Variants in NCALD observed in about 807,000 individuals in gnomAD.
NCALD encodes neurocalcin-delta.
In NCALD, 10 loss-of-function variants were observed where a neutral mutation model predicts 18.6. The ratio of observed to expected loss-of-function variants is 0.54; its 90% CI spans 0.33 to 0.91. The LOEUF (loss-of-function observed/expected upper bound fraction) is 0.91, where lower values mean the gene tolerates loss of function less well. Among genes scored for constraint, NCALD ranks in the 40% least tolerant of loss-of-function variants. NCALD has a pLI of 0.03. For synonymous variants in NCALD, 88 were observed against 87.4 expected (o/e 1.01, Z -0.04); for missense variants, 184 against 247.6 (o/e 0.74, Z 1.72).
intron 4 of NCALD, among the ~76,000 whole-genome samples, chr8:101,798,054 T>G (rs189394069): frequency 3.3e-5 from 5 of 152,304 alleles, no homozygotes; most frequent in Admixed American, 2.0e-4. Flanking sequence ...CGGCTAATTT[T>G]ATACTTAATA....
chr8:102,118,180 G>A (rs2132477788), intron 1 of NCALD, among the ~76,000 whole-genome samples: 1 of 152,322 alleles, frequency 6.6e-6, no homozygotes, highest in Admixed American at 6.5e-5. Context: ...AGAGTGGCTG[G>A]GGCCTTTATC....
At chr8:101,757,485 C>T (rs1810935768) in intron 1 of NCALD, among the ~76,000 whole-genome samples, 1 of 152,080 alleles carries the variant, frequency 6.6e-6, no homozygotes, top group Non-Finnish European at 1.5e-5. Flanking sequence ...TGTGACTTTC[C>T]CCAATGAATA....
At chr8:101,897,862 A>C (rs1817264115) in intron 3 of NCALD, among the ~76,000 whole-genome samples, 1 of 152,134 alleles carries the variant, frequency 6.6e-6, no homozygotes. Flanking sequence ...CCCAAATCTC[A>C]TCTTGAATTG....
intron 1 of NCALD, among the ~76,000 whole-genome samples, chr8:101,737,863 T>C (rs935384998): frequency 9.8e-5 from 15 of 152,354 alleles, no homozygotes; most frequent in African/African-American, 2.9e-4. Context: ...CTCCATTCTA[T>C]TGCATCTATT....
intron 2 of NCALD, among the ~76,000 whole-genome samples, chr8:101,974,580 T>G (rs1467723548): frequency 6.6e-6 from 1 of 152,228 alleles, no homozygotes; most frequent in Non-Finnish European, 1.5e-5. Context: ...ACTTGGATCC[T>G]GCCTGCTGAA....
intron 1 of NCALD, among the ~76,000 whole-genome samples, chr8:102,117,115 C>T (rs1352919192): frequency 1.3e-5 from 2 of 152,294 alleles, no homozygotes; most frequent in East Asian, 1.9e-4. Context: ...CACGGCATTT[C>T]GGCCTCAGAC....
chr8:101,876,058 C>T (rs1816214562), intron 4 of NCALD, among the ~76,000 whole-genome samples: 1 of 152,300 alleles, frequency 6.6e-6, no homozygotes, highest in Admixed American at 6.5e-5. Context: ...TGCTCTTCCC[C>T]AGGCAGAAGT....
rs11384234 is a variant in NCALD, at chr8:101,925,064, G to GA, written c.-156-9207dup. On this transcript the variant is annotated intron_variant, in intron 2 of 6. Coordinates refer to the NCALD transcript ENST00000311028. ...AATTCAGAAAGCATGTATGACAAAA[G>GA]AAAAAAAAATAACACAAAGAAACCA... Among the ~76,000 whole-genome samples the GA allele has an allele frequency of 7.7e-3, 1,155 of 150,530 alleles. 12 individuals are homozygous for GA. Among genetic ancestry groups the GA allele is most frequent in the African/African-American group, 0.026 (1,062 of 41,072 alleles).
At chr8:101,780,711 A>G (rs370114226) in intron 1 of NCALD, among the ~76,000 whole-genome samples, 30 of 152,294 alleles carry the variant, frequency 2.0e-4, no homozygotes, top group African/African-American at 6.7e-4. Flanking sequence ...GATGGCTAAA[A>G]TGGTAAATTT....
chr8:101,843,545 T>C (rs1367168081), intron 4 of NCALD, among the ~76,000 whole-genome samples: 3 of 152,192 alleles, frequency 2.0e-5, no homozygotes, highest in South Asian at 2.1e-4. Context: ...CTGTGCTACA[T>C]TGATCATCTG....
intron 2 of NCALD, among the ~76,000 whole-genome samples, chr8:101,924,317 G>A (rs773955987): frequency 1.6e-4 from 24 of 152,184 alleles, no homozygotes; most frequent in Non-Finnish European, 3.1e-4. Context: ...TTTCTGGTCT[G>A]TCAGCACTGG....
chr8:101,847,568 T>C (rs1448561544), intron 4 of NCALD, among the ~76,000 whole-genome samples: 1 of 152,172 alleles, frequency 6.6e-6, no homozygotes, highest in East Asian at 1.9e-4. Context: ...AAGCCCCTCA[T>C]TTATTTATTT....
At chr8:101,782,048 G>A (rs1460573776) in intron 1 of NCALD, among the ~76,000 whole-genome samples, 1 of 137,494 alleles carries the variant, frequency 7.3e-6, no homozygotes, top group Non-Finnish European at 1.6e-5. Flanking sequence ...AATGTGCAGT[G>A]TCTCAGGGGT....
chr8:101,897,961 G>T (rs140148500), intron 3 of NCALD, among the ~76,000 whole-genome samples: 1,611 of 152,296 alleles, frequency 0.011, 17 homozygotes, highest in Middle Eastern at 0.037. Flanking sequence ...TCATGATAAT[G>T]AGTGAGTTCT....
At chr8:102,018,444 A>G (rs1182608150) in intron 2 of NCALD, among the ~76,000 whole-genome samples, 3 of 152,228 alleles carry the variant, frequency 2.0e-5, no homozygotes, top group Non-Finnish European at 2.9e-5. Flanking sequence ...TACTTATAAC[A>G]GCATGGATGA....
chr8:102,116,902 T>C (rs1031161312), intron 1 of NCALD, among the ~76,000 whole-genome samples: 2 of 152,162 alleles, frequency 1.3e-5, no homozygotes, highest in African/African-American at 4.8e-5. Context: ...ATAAAATCAT[T>C]CTGGATCACG....
At chr8:101,770,887 T>C (rs1288748270) in intron 1 of NCALD, among the ~76,000 whole-genome samples, 2 of 152,352 alleles carry the variant, frequency 1.3e-5, no homozygotes, top group Non-Finnish European at 2.9e-5. Context: ...CGTATTACAA[T>C]GCAGGGTTAA....
At chr8:102,029,748 G>C (rs1822601377) in intron 1 of NCALD, among the ~76,000 whole-genome samples, 1 of 152,176 alleles carries the variant, frequency 6.6e-6, no homozygotes, top group Non-Finnish European at 1.5e-5. Context: ...TCACTAAAAG[G>C]GGAGGGATGT....
At chr8:102,081,545 TAAAAAAAAAAAA>T (rs770307937) in intron 1 of NCALD, among the ~76,000 whole-genome samples, 24 of 68,704 alleles carry the variant, frequency 3.5e-4, no homozygotes, top group South Asian at 1.1e-3. Context: ...CAAATAATGG[TAAAAAAAAAAAA>T]AAAAAAAAAA....
Sources: allele counts gnomAD v4.1 joint callset (sites outside exome capture counted in the v4.1 genomes callset), GRCh38; gene constraint gnomAD v4.1.1; transcripts MANE v1.5; gene names NCBI Gene and HGNC (gene_info 2026-07-23, HGNC 2026-07-21).